PRCP: variants seen among roughly 807,000 people sequenced by gnomAD.
The protein encoded by PRCP is prolylcarboxypeptidase, also known as lysosomal Pro-X carboxypeptidase.
PRCP carries 46 observed loss-of-function variants against 54.2 expected under a neutral mutation model. The observed-to-expected ratio is 0.85, with a 90% CI of 0.67 to 1.09. The LOEUF is 1.09. Ranked by LOEUF, PRCP falls within the 50% of genes least tolerant of loss-of-function variation. PRCP has a pLI of 0.00. For synonymous variants in PRCP, 240 were observed against 212.2 expected, an observed-to-expected ratio of 1.13 and a Z score of -1.14; for missense variants, 613 against 596.8, an observed-to-expected ratio of 1.03 and a Z score of -0.28.
intron 1 of PRCP, among the ~76,000 whole-genome samples, chr11:82,874,840 G>C (rs765346529): frequency 6.6e-6 from 1 of 152,072 alleles, no homozygotes; most frequent in East Asian, 1.9e-4. Flanking sequence ...CCACACAGCC[G>C]TCTACCCTGT....
intron 1 of PRCP, among the ~76,000 whole-genome samples, chr11:82,866,388 C>A (rs1273082996): frequency 2.6e-5 from 4 of 152,184 alleles, no homozygotes. Context: ...CAGAGATATG[C>A]TTCAAAGGCA....
At chr11:82,831,111 T>C (rs1053015617) in intron 8 of PRCP, 2 of 149,568 alleles carry the variant, frequency 1.3e-5, no homozygotes, top group Non-Finnish European at 1.5e-5. Context: ...TGGGTAAAAT[T>C]CCCCCAACAG....
intron 1 of PRCP, among the ~76,000 whole-genome samples, 155 bp from the exon 2 acceptor site, chr11:82,860,272 G>A (rs10898041): frequency 0.14 from 21,085 of 151,400 alleles, 1,528 homozygotes; most frequent in Middle Eastern, 0.19. Context: ...TAGTAATATC[G>A]ATATTATTAT....
chr11:82,889,225 G>C (rs568919972), intron 1 of PRCP, among the ~76,000 whole-genome samples: 1 of 152,018 alleles, frequency 6.6e-6, no homozygotes, highest in Non-Finnish European at 1.5e-5. Flanking sequence ...AGGCATGGTG[G>C]CACAAGCCTT....
At chr11:82,841,986 G>A (rs1322084383) in intron 6 of PRCP, among the ~76,000 whole-genome samples, 1 of 152,160 alleles carries the variant, frequency 6.6e-6, no homozygotes, top group African/African-American at 2.4e-5. Context: ...CACATGGAAT[G>A]CAGAGAAGCG....
At chr11:82,846,755 C>G (rs896036523) in intron 6 of PRCP, among the ~76,000 whole-genome samples, 2 of 152,046 alleles carry the variant, frequency 1.3e-5, no homozygotes, top group African/African-American at 4.8e-5. Context: ...TTTAGAAGAA[C>G]AAAGGATAAA....
At chr11:82,831,010 A>C (rs1363890190) in intron 8 of PRCP, 3 of 146,888 alleles carry the variant, frequency 2.0e-5, no homozygotes, top group Non-Finnish European at 3.0e-5. Context: ...GGTCCTAGAC[A>C]TGTGAAAGCT....
At chr11:82,864,215 G>T (rs1859278017) in intron 1 of PRCP, among the ~76,000 whole-genome samples, 1 of 152,208 alleles carries the variant, frequency 6.6e-6, no homozygotes, top group Non-Finnish European at 1.5e-5. Context: ...TTTTCTGAGT[G>T]CTTCACCTAG....
chr11:82,877,080 T>C (rs112209256), intron 1 of PRCP, among the ~76,000 whole-genome samples: 2,030 of 152,308 alleles, frequency 0.013, 40 homozygotes, highest in African/African-American at 0.046. Context: ...TGACTCTTGT[T>C]ATGTTTTAGT....
chr11:82,857,959 A>C (rs560000293), intron 2 of PRCP, among the ~76,000 whole-genome samples: 1 of 152,178 alleles, frequency 6.6e-6, no homozygotes, highest in East Asian at 1.9e-4. Flanking sequence ...TGTGCCGCAA[A>C]ATTTGCTTAC....
At chr11:82,859,863 G>T in intron 2 of PRCP, 114 bp downstream of exon 2, 2 of 1,064,940 alleles carry the variant, frequency 1.9e-6, no homozygotes, top group Non-Finnish European at 1.3e-6. Flanking sequence ...ATTTTTTACA[G>T]AACTTTACAA....
chr11:82,842,004 T>C (rs1453174548), intron 6 of PRCP, among the ~76,000 whole-genome samples: 2 of 152,142 alleles, frequency 1.3e-5, no homozygotes, highest in Admixed American at 1.3e-4. Context: ...GCGCCTTATG[T>C]TCAAGGACAG....
At chr11:82,893,510 C>T (rs914057082) in intron 1 of PRCP, among the ~76,000 whole-genome samples, 9 of 152,086 alleles carry the variant, frequency 5.9e-5, no homozygotes, top group African/African-American at 1.9e-4. Flanking sequence ...TTCTCTTGCT[C>T]GCCGAGTTTG....
chr11:82,857,852 C>G (rs1387229457), intron 2 of PRCP, among the ~76,000 whole-genome samples: 1 of 152,176 alleles, frequency 6.6e-6, no homozygotes, highest in Non-Finnish European at 1.5e-5. Context: ...CTTGCAAACA[C>G]CCAGCTCAAG....
At chr11:82,888,978 A>G (rs1189618617) in intron 1 of PRCP, among the ~76,000 whole-genome samples, 1 of 152,202 alleles carries the variant, frequency 6.6e-6, no homozygotes, top group Non-Finnish European at 1.5e-5. Context: ...GGAGTATAAA[A>G]GATTATATAT....
intron 1 of PRCP, among the ~76,000 whole-genome samples, chr11:82,895,823 G>A (rs1714865345): frequency 6.6e-6 from 1 of 152,144 alleles, no homozygotes; most frequent in African/African-American, 2.4e-5. Context: ...CTGTGACAAA[G>A]GTGGGAAAGG....
At chr11:82,896,991 G>C (rs753459515) in intron 1 of PRCP, among the ~76,000 whole-genome samples, 2 of 152,156 alleles carry the variant, frequency 1.3e-5, no homozygotes, top group Non-Finnish European at 2.9e-5. Context: ...ACTAAAATGT[G>C]TGATTTGGGA....
At chr11:82,871,871 G>A (rs1229828183) in intron 1 of PRCP, among the ~76,000 whole-genome samples, 1 of 152,220 alleles carries the variant, frequency 6.6e-6, no homozygotes. Context: ...AGTACAATAT[G>A]TAACGTGGTC....
Position 82,824,741 on chromosome 11 carries a change from A to G in PRCP, c.*165T>C. 2.9e-6 allele frequency: 2 copies of G among 687,646 alleles called. No individual in the cohort carries two copies. The highest frequency in any genetic ancestry group is 3.8e-5 in the South Asian group (2 of 52,032). 42.6% of individuals were successfully genotyped at this position (687,646 alleles called of 1,614,324 possible). A position where few individuals can be genotyped will look rare whatever the true frequency, so the allele number is the denominator to read the frequency against. ...AGTGAGAACCCAGGAAATCACATTC[A>G]TGGGACACTTGCTCTTACCGTCATC... On this transcript the variant is annotated 3_prime_UTR_variant, in exon 9 of 9. Transcript: ENST00000313010.
Sources: gnomAD v4.1 joint callset for allele counts (sites outside exome capture counted in the v4.1 genomes callset) on GRCh38, gnomAD v4.1.1 for gene constraint, MANE v1.5 for transcripts, NCBI Gene and HGNC (gene_info 2026-07-23, HGNC 2026-07-21) for gene names.